Variants in PRKCE observed in about 807,000 individuals in gnomAD.
PRKCE encodes protein kinase C epsilon type.
A neutral mutation model predicts 85.4 loss-of-function variants in PRKCE; 16 were observed. The observed-to-expected ratio is 0.19, with a 90% CI of 0.13 to 0.28. The LOEUF is 0.28. Among genes scored for constraint, PRKCE ranks in the 10% least tolerant of loss-of-function variants. The pLI is 1.00. For synonymous variants in PRKCE, 388 were observed against 371.5 expected, an observed-to-expected ratio of 1.04 and a Z score of -0.51; for missense variants, 573 against 975.2, an observed-to-expected ratio of 0.59 and a Z score of 5.49.
At chr2:45,681,202 G>A (rs1676864713) in intron 1 of PRKCE, among the ~76,000 whole-genome samples, 1 of 139,444 alleles carries the variant, frequency 7.2e-6, no homozygotes, top group Non-Finnish European at 1.5e-5. Flanking sequence ...GGCAGGAGAA[G>A]CGCTTGAACC....
chr2:45,704,449 T>C lies in PRKCE; in HGVS notation c.348+52001T>C, dbSNP rs377194455. Reference sequence around the variant, plus strand: ...TTTGTTAGCTACTCCAGGTAAAGACTAGTTCAGAACTCAAATCCTAAAGTG... The same window carrying C: ...TTTGTTAGCTACTCCAGGTAAAGACCAGTTCAGAACTCAAATCCTAAAGTG... On this transcript the variant is annotated intron_variant, in intron 1 of 14. Coordinates refer to ENST00000306156, the MANE Select transcript of PRKCE (RefSeq NM_005400.3). 1.6e-4 allele frequency among the ~76,000 whole-genome samples: 24 copies of C among 152,340 alleles called. No homozygotes were observed. The South Asian group carries it at 4.3e-3, about 28-fold the overall frequency.
chr2:46,021,903 A>G (rs561717779), intron 10 of PRKCE, among the ~76,000 whole-genome samples: 7 of 152,286 alleles, frequency 4.6e-5, no homozygotes, highest in African/African-American at 1.7e-4. Context: ...TTCTACAGGG[A>G]AAGTCATCTG....
At chr2:46,117,272 C>CA (rs1412965316) in intron 11 of PRKCE, among the ~76,000 whole-genome samples, 1 of 152,132 alleles carries the variant, frequency 6.6e-6, no homozygotes, top group Non-Finnish European at 1.5e-5. Flanking sequence ...ATTCTCAGGG[C>CA]AAAAATACTG....
chr2:45,729,831 C>T (rs1253536222), intron 1 of PRKCE, among the ~76,000 whole-genome samples: 1 of 152,212 alleles, frequency 6.6e-6, no homozygotes, highest in Non-Finnish European at 1.5e-5. Context: ...GTACGTCCAC[C>T]TTGCCTCAAG....
intron 1 of PRKCE, among the ~76,000 whole-genome samples, chr2:45,824,677 A>G (rs1038640208): frequency 7.9e-5 from 12 of 152,106 alleles, no homozygotes; most frequent in Non-Finnish European, 1.3e-4. Flanking sequence ...AAAATAGAGC[A>G]GAATAATGGA....
intron 6 of PRKCE, among the ~76,000 whole-genome samples, chr2:45,997,788 C>T (rs1448052130): frequency 6.6e-6 from 1 of 152,202 alleles, no homozygotes; most frequent in Non-Finnish European, 1.5e-5. Context: ...CTCAAGTGAT[C>T]CACCTGCCTT....
intron 1 of PRKCE, among the ~76,000 whole-genome samples, chr2:45,736,981 G>T (rs1400923032): frequency 6.6e-6 from 1 of 152,170 alleles, no homozygotes; most frequent in Non-Finnish European, 1.5e-5. Flanking sequence ...TGGAAGAGGG[G>T]CCCGGCCATG....
At chr2:45,800,419 G>C (rs1341450960) in intron 1 of PRKCE, among the ~76,000 whole-genome samples, 1 of 152,240 alleles carries the variant, frequency 6.6e-6, no homozygotes, top group African/African-American at 2.4e-5. Flanking sequence ...TCAGGCTTCT[G>C]GGCCAGGGCT....
intron 1 of PRKCE, among the ~76,000 whole-genome samples, chr2:45,737,669 G>C (rs897459139): frequency 2.0e-5 from 3 of 152,106 alleles, no homozygotes; most frequent in African/African-American, 7.2e-5. Context: ...CAGAATGTCA[G>C]GGTGGAGTCA....
intron 1 of PRKCE, among the ~76,000 whole-genome samples, chr2:45,668,828 A>G (rs1441390812): frequency 1.3e-5 from 2 of 152,194 alleles, no homozygotes; most frequent in African/African-American, 4.8e-5. Flanking sequence ...ACACACATGT[A>G]AGTAATAGTG....
chr2:46,080,969 G>GCACACACA (rs1327574193), intron 10 of PRKCE, among the ~76,000 whole-genome samples: 1 of 80,348 alleles, frequency 1.2e-5, no homozygotes, highest in East Asian at 5.9e-4. Context: ...TTGCAGTTAT[G>GCACACACA]CATACACACA....
intron 11 of PRKCE, among the ~76,000 whole-genome samples, chr2:46,118,817 C>T (rs919368486): frequency 2.6e-5 from 4 of 152,142 alleles, no homozygotes; most frequent in African/African-American, 7.2e-5. Flanking sequence ...TTGACCTGTC[C>T]GATAGCAAAC....
intron 1 of PRKCE, among the ~76,000 whole-genome samples, chr2:45,776,847 A>T (rs565799703): frequency 4.6e-5 from 7 of 152,126 alleles, no homozygotes; most frequent in Admixed American, 3.9e-4. Context: ...CTCCAAGCAA[A>T]CTCATTTGAA....
intron 10 of PRKCE, among the ~76,000 whole-genome samples, chr2:46,077,687 A>G (rs1223610796): frequency 6.6e-6 from 1 of 152,242 alleles, no homozygotes; most frequent in Non-Finnish European, 1.5e-5. Context: ...TATTTTTGTT[A>G]TTATTACATA....
At chr2:46,055,875 C>T (rs1160903246) in intron 10 of PRKCE, among the ~76,000 whole-genome samples, 2 of 152,172 alleles carry the variant, frequency 1.3e-5, no homozygotes, top group Non-Finnish European at 2.9e-5. Flanking sequence ...GTTGCCCAAG[C>T]TGGTCTTGAA....
intron 1 of PRKCE, among the ~76,000 whole-genome samples, chr2:45,680,499 C>G (rs1676803264): frequency 6.6e-6 from 1 of 152,046 alleles, no homozygotes; most frequent in Non-Finnish European, 1.5e-5. Flanking sequence ...TTATGGTGCC[C>G]AGGGTTAAAC....
At chr2:46,090,551 G>A (rs1670067713) in intron 11 of PRKCE, among the ~76,000 whole-genome samples, 1 of 152,130 alleles carries the variant, frequency 6.6e-6, no homozygotes, top group Non-Finnish European at 1.5e-5. Flanking sequence ...AGTCTCTCCT[G>A]CCCCAGAGTC....
chr2:45,821,711 T>C (rs922232592), intron 1 of PRKCE, among the ~76,000 whole-genome samples: 2 of 151,950 alleles, frequency 1.3e-5, no homozygotes, highest in Non-Finnish European at 2.9e-5. Context: ...TAAGGTATGA[T>C]TGGAATGCAG....
At chr2:45,719,510 T>C (rs1295460752) in intron 1 of PRKCE, among the ~76,000 whole-genome samples, 1 of 152,068 alleles carries the variant, frequency 6.6e-6, no homozygotes, top group Non-Finnish European at 1.5e-5. Flanking sequence ...GGGAAAGCAA[T>C]GGCGGGCAGT....
Sources: gnomAD v4.1 joint callset for allele counts (sites outside exome capture counted in the v4.1 genomes callset) on GRCh38, gnomAD v4.1.1 for gene constraint, MANE v1.5 for transcripts, NCBI Gene and HGNC (gene_info 2026-07-23, HGNC 2026-07-21) for gene names.